The following KCNQ5 variants were observed in gnomAD, a reference collection of about 807,000 sequenced individuals.
KCNQ5 encodes the protein potassium voltage-gated channel subfamily KQT member 5.
KCNQ5 carries 30 observed loss-of-function variants against 98.2 expected under a neutral mutation model. That is an observed-to-expected ratio of 0.31 (90% CI 0.23 to 0.41). The LOEUF is 0.41. KCNQ5 is among the 10% of genes least tolerant of loss of function. The pLI, the probability that KCNQ5 is intolerant of heterozygous loss-of-function variation, is 1.00. For missense variants in KCNQ5, 835 were observed against 1,182.5 expected, an observed-to-expected ratio of 0.71 and a Z score of 4.31; for synonymous variants, 458 against 449.4, an observed-to-expected ratio of 1.02 and a Z score of -0.24.
chr6:72,623,987 A>G (rs551521891), intron 1 of KCNQ5, among the ~76,000 whole-genome samples: 13 of 152,322 alleles, frequency 8.5e-5, no homozygotes, highest in Admixed American at 6.5e-4. Flanking sequence ...GGAGTCTACA[A>G]TCTGTGGGGC....
intron 1 of KCNQ5, among the ~76,000 whole-genome samples, chr6:72,768,771 G>A (rs747485516): frequency 7.2e-5 from 11 of 151,952 alleles, no homozygotes; most frequent in Non-Finnish European, 7.4e-5. Flanking sequence ...GTGTGTGTGC[G>A]TGTGCATTAA....
chr6:72,848,718 G>A (rs1199472370), intron 1 of KCNQ5, among the ~76,000 whole-genome samples: 2 of 152,140 alleles, frequency 1.3e-5, no homozygotes, highest in East Asian at 1.9e-4. Flanking sequence ...GTTGTGGGAG[G>A]TTATTGAATC....
intron 1 of KCNQ5, among the ~76,000 whole-genome samples, chr6:72,629,341 C>G (rs976130430): frequency 5.3e-5 from 8 of 152,084 alleles, no homozygotes; most frequent in African/African-American, 1.9e-4. Flanking sequence ...CTACAGAGGC[C>G]TTGTAGAAGT....
At chr6:73,042,322 C>A in intron 3 of KCNQ5, 1 of 483,174 alleles carries the variant, frequency 2.1e-6, no homozygotes, top group South Asian at 2.1e-5. Context: ...GAATGTCATA[C>A]AGCTACTAAG....
intron 12 of KCNQ5, among the ~76,000 whole-genome samples, chr6:73,191,442 T>C (rs998126759): frequency 3.9e-5 from 6 of 152,192 alleles, no homozygotes; most frequent in Admixed American, 1.3e-4. Flanking sequence ...CCACATATGG[T>C]TGATTGTGAT....
At chr6:73,046,024 T>C (rs369551569) in intron 3 of KCNQ5, among the ~76,000 whole-genome samples, 4 of 152,126 alleles carry the variant, frequency 2.6e-5, no homozygotes, top group African/African-American at 7.2e-5. Flanking sequence ...GTGGATAAAA[T>C]AAAATTGAAG....
intron 3 of KCNQ5, among the ~76,000 whole-genome samples, chr6:73,062,049 G>T (rs1772805279): frequency 6.6e-6 from 1 of 151,990 alleles, no homozygotes; most frequent in African/African-American, 2.4e-5. Flanking sequence ...TAAATGGAAG[G>T]AGCAAGAACC....
At chr6:73,009,538 G>A (rs1769968704) in intron 2 of KCNQ5, among the ~76,000 whole-genome samples, 1 of 151,838 alleles carries the variant, frequency 6.6e-6, no homozygotes, top group Non-Finnish European at 1.5e-5. Context: ...CAGTAAACAT[G>A]GATAAATGAA....
chr6:72,627,550 C>T (rs969284851), intron 1 of KCNQ5, among the ~76,000 whole-genome samples: 1 of 152,192 alleles, frequency 6.6e-6, no homozygotes, highest in Non-Finnish European at 1.5e-5. Flanking sequence ...AAGGAGGCCA[C>T]TGGTGGCCTT....
chr6:72,886,351 C>A (rs1778842179), intron 1 of KCNQ5, among the ~76,000 whole-genome samples: 2 of 152,072 alleles, frequency 1.3e-5, no homozygotes, highest in South Asian at 4.1e-4. Context: ...ACATTAGCAT[C>A]TTAGACACAA....
intron 10 of KCNQ5, among the ~76,000 whole-genome samples, chr6:73,146,743 T>A (rs1776943239): frequency 1.3e-5 from 2 of 149,566 alleles, no homozygotes; most frequent in African/African-American, 4.9e-5. Flanking sequence ...GCAGTGACTA[T>A]CCCAGTGATC....
At chr6:72,770,435 T>C (rs1772804256) in intron 1 of KCNQ5, among the ~76,000 whole-genome samples, 1 of 152,082 alleles carries the variant, frequency 6.6e-6, no homozygotes, top group African/African-American at 2.4e-5. Context: ...AAGAATAAAA[T>C]ATAATGAAAC....
chr6:72,845,473 G>A lies in KCNQ5; in HGVS notation c.399-158435G>A, dbSNP rs1010934135. Among the ~76,000 whole-genome samples, 29 of 152,156 alleles carry A rather than the reference G, an allele frequency of 1.9e-4. 1 individual carries two copies. The highest frequency in any genetic ancestry group is 1.7e-3 in the Admixed American group (26 of 15,276). On this transcript the variant is annotated intron_variant, in intron 1 of 13. Coordinates refer to ENST00000370398, the MANE Select transcript of KCNQ5 (RefSeq NM_019842.4). ...AAGAATGGTAGCAGAGTTTTATGCA[G>A]ACTATTTCTATACAACTCAGATATC...
chr6:72,860,863 G>GTGTGTGTGTT (rs550695120), intron 1 of KCNQ5, among the ~76,000 whole-genome samples: 1,788 of 151,556 alleles, frequency 0.012, 18 homozygotes, highest in Non-Finnish European at 0.015. Context: ...GTATGTGTGT[G>GTGTGTGTGTT]TGTGTGTGTG....
intron 1 of KCNQ5, among the ~76,000 whole-genome samples, chr6:72,649,343 A>T (rs1765763442): frequency 6.6e-6 from 1 of 152,172 alleles, no homozygotes; most frequent in Non-Finnish European, 1.5e-5. Context: ...ATAAATTTCC[A>T]CAAGTTCATA....
chr6:73,052,229 A>G (rs1772277123), intron 3 of KCNQ5, among the ~76,000 whole-genome samples: 1 of 152,246 alleles, frequency 6.6e-6, no homozygotes. Flanking sequence ...TCTCCAAAGT[A>G]TGGGATTATG....
rs1160496373 is a variant in KCNQ5, at chr6:73,198,385, G to T, written c.*2971G>T. 1 of 152,078 alleles carries T rather than the reference G, an allele frequency of 6.6e-6. No homozygotes were observed. Among genetic ancestry groups the T allele is most frequent in the Non-Finnish European group, 1.5e-5 (1 of 68,006 alleles). The allele number at this position is 152,078 out of a possible 1,614,324, so 9.4% of individuals were successfully genotyped here. On this transcript the variant is annotated 3_prime_UTR_variant, in exon 14 of 14. Coordinates refer to ENST00000370398, the MANE Select transcript of KCNQ5 (RefSeq NM_019842.4). Reference sequence around the variant, plus strand: ...TTTTTAAGTCCTGATCTGTTCTAAGGTGCCTTTCTCACCTCCCATTGATTC... The same window carrying T: ...TTTTTAAGTCCTGATCTGTTCTAAGTTGCCTTTCTCACCTCCCATTGATTC...
rs1777442344 is a variant in KCNQ5, at chr6:73,158,113, C to A, written c.1469-11633C>A. On this transcript the variant is annotated intron_variant, in intron 10 of 13. Coordinates refer to ENST00000370398, the MANE Select transcript of KCNQ5 (RefSeq NM_019842.4). ...AGCCAGTACAGGTGCTGCCGCCGCG[C>A]TCGCCCTCCCGCTACAGGTTGCTCC... 27 of 449,804 alleles carry A rather than the reference C, an allele frequency of 6.0e-5. 1 individual carries two copies. The highest frequency in any genetic ancestry group is 5.3e-4 in the South Asian group (27 of 50,480). 27.9% of individuals were successfully genotyped at this position (449,804 alleles called of 1,614,324 possible).
At chr6:72,651,928 A>G (rs1168268906) in intron 1 of KCNQ5, among the ~76,000 whole-genome samples, 1 of 152,088 alleles carries the variant, frequency 6.6e-6, no homozygotes, top group Non-Finnish European at 1.5e-5. Context: ...AAGAATCTTT[A>G]TAATGCTGTT....
Sources: allele counts gnomAD v4.1 joint callset (sites outside exome capture counted in the v4.1 genomes callset), GRCh38; gene constraint gnomAD v4.1.1; transcripts MANE v1.5; gene names NCBI Gene and HGNC (gene_info 2026-07-23, HGNC 2026-07-21).